ZBTB1: variants seen among roughly 807,000 people sequenced by gnomAD.
ZBTB1 encodes zinc finger and BTB domain-containing protein 1.
ZBTB1 carries 13 observed loss-of-function variants against 51.6 expected under a neutral mutation model. The ratio of observed to expected loss-of-function variants is 0.25; its 90% CI spans 0.16 to 0.40. The LOEUF (loss-of-function observed/expected upper bound fraction) is 0.40, where lower values mean the gene tolerates loss of function less well. ZBTB1 is among the 10% of genes least tolerant of loss of function. The pLI, the probability that ZBTB1 is intolerant of heterozygous loss-of-function variation, is 1.00. For synonymous variants in ZBTB1, 240 were observed against 282.2 expected (o/e 0.85, Z 1.50); for missense variants, 567 against 856.5 (o/e 0.66, Z 4.22).
In ZBTB1 at chr14:64,524,738, A is replaced by G. The variant is rs1025962433; in HGVS notation, c.*1092A>G. On this transcript the variant is annotated 3_prime_UTR_variant, in exon 2 of 2. Transcript: ENST00000683701. ...GAGGAAATGTGGCAAATTGCAGTTT[A>G]TCGCCATATTTTATTATCATTTTTT... 13 of 983,460 alleles carry G rather than the reference A, an allele frequency of 1.3e-5. No homozygotes were observed. The African/African-American group carries it at 2.1e-4, about 16-fold the overall frequency. 60.9% of individuals were successfully genotyped at this position (983,460 alleles called of 1,614,324 possible).
At chr14:64,511,894 A>G (rs2079728221) in intron 1 of ZBTB1, among the ~76,000 whole-genome samples, 1 of 152,248 alleles carries the variant, frequency 6.6e-6, no homozygotes, top group Non-Finnish European at 1.5e-5. Flanking sequence ...GTGATGCTAT[A>G]TGTGTAGGCT....
Position 64,521,760 on chromosome 14 carries a change from A to G in ZBTB1, c.256A>G (p.Lys86Glu), listed in dbSNP as rs1566634899. ...DLILQFMYLG[K>E]IMTAPSSFEQ... ...CATTTTGCAGTTTATGTATTTAGGA[A>G]AAATTATGACAGCTCCCTCCAGTTT... is the stretch of plus-strand genomic sequence containing the variant. The change falls in exon 2 of 2, where the codon AAA (lysine) becomes GAA (glutamate). Residue 86 changes from lysine (K) to glutamate (E), a missense_variant. By Grantham distance (56) the Lys-to-Glu change is moderately conservative (BLOSUM62 1). Transcript: ENST00000683701. The G allele has an allele frequency of 1.9e-6, 3 of 1,612,874 alleles. 1 individual carries two copies. Among genetic ancestry groups the G allele is most frequent in the Non-Finnish European group, 2.5e-6 (3 of 1,180,038 alleles).
At chr14:64,513,223 T>C (rs2079744612) in intron 1 of ZBTB1, among the ~76,000 whole-genome samples, 1 of 151,288 alleles carries the variant, frequency 6.6e-6, no homozygotes, top group Middle Eastern at 3.2e-3. Flanking sequence ...CTCACACATA[T>C]ATATTGCATA....
intron 1 of ZBTB1, among the ~76,000 whole-genome samples, chr14:64,505,641 C>T (rs1277137019): frequency 6.6e-6 from 1 of 152,178 alleles, no homozygotes; most frequent in Non-Finnish European, 1.5e-5. Context: ...GGTCTGAGCT[C>T]AGCCACCCCA....
downstream of ZBTB1, among the ~76,000 whole-genome samples, chr14:64,529,308 C>T (rs931422955): frequency 1.3e-5 from 2 of 152,044 alleles, no homozygotes; most frequent in Non-Finnish European, 2.9e-5. Flanking sequence ...TCCCCTATTC[C>T]TGTCCTTTAT....
intron 2 of ZBTB1, among the ~76,000 whole-genome samples, chr14:64,530,569 T>G (rs2079935371): frequency 6.6e-6 from 1 of 151,762 alleles, no homozygotes; most frequent in East Asian, 1.9e-4. Context: ...ATCGTGCCAC[T>G]GTACTCCAGC....
chr14:64,530,543 G>T (rs926435097), intron 2 of ZBTB1, among the ~76,000 whole-genome samples: 2 of 151,662 alleles, frequency 1.3e-5, no homozygotes, highest in African/African-American at 4.9e-5. Flanking sequence ...GGAGATGGAG[G>T]TTGCACTGAG....
In ZBTB1 at chr14:64,522,917, C is replaced by T. The variant is rs767300797; in HGVS notation, c.1413C>T (p.Gly471=). The T allele has an allele frequency of 7.7e-5, 124 of 1,613,958 alleles. No homozygotes were observed. Among genetic ancestry groups the T allele is most frequent in the Non-Finnish European group, 9.7e-5 (114 of 1,180,026 alleles). The change falls in exon 2 of 2, where the codon GGC becomes GGT. Residue 471 remains glycine, a synonymous_variant. Transcript: ENST00000683701. The part of the protein sequence containing the change: ...RQLQEHAQRC[G]EPQDLTMNGL... ...TTCAGGAACATGCTCAACGATGTGG[C>T]GAGCCCCAAGATCTGACCATGAATG...
chr14:64,508,741 T>G (rs2079692322), intron 1 of ZBTB1, among the ~76,000 whole-genome samples: 1 of 152,232 alleles, frequency 6.6e-6, no homozygotes, highest in Admixed American at 6.5e-5. Context: ...ATTTTAATTT[T>G]AATTTTAATT....
chr14:64,523,405 A>G lies in ZBTB1; in HGVS notation c.1901A>G (p.Tyr634Cys). ...HNDMHKGMAR[Y>C]VCSICDQGNF... ...GATATGCACAAAGGCATGGCCAGGT[A>G]TGTCTGTTCCATTTGTGATCAAGGA... The change falls in exon 2 of 2, where the codon TAT (tyrosine) becomes TGT (cysteine). Residue 634 changes from tyrosine (Y) to cysteine (C), a missense_variant. By Grantham distance (194) the Tyr-to-Cys change is radical. Coordinates refer to ENST00000683701, the MANE Select transcript of ZBTB1 (RefSeq NM_001123329.2). This position sits in a 1 kb window ranked among gnomAD's most constrained non-coding sequence, Gnocchi z 4.5. 1 of 1,614,220 alleles carries G rather than the reference A, an allele frequency of 6.2e-7. No individual in the cohort carries two copies. The highest frequency in any genetic ancestry group is 8.5e-7 in the Non-Finnish European group (1 of 1,180,024).
intron 1 of ZBTB1, 165 bp downstream of exon 1, chr14:64,505,111 G>C (rs1050877631): frequency 2.9e-6 from 1 of 348,810 alleles, no homozygotes; most frequent in African/African-American, 2.1e-5. Flanking sequence ...CGGCTGCCAG[G>C]CCGCCTGCTT....
chr14:64,522,490 T>C lies in ZBTB1; in HGVS notation c.986T>C (p.Met329Thr), dbSNP rs2079870072. Residue 329 changes from methionine to threonine, a missense_variant, in exon 2 of 2, where the codon ATG becomes ACG. By Grantham distance (81) the Met-to-Thr change is moderately conservative. This residue lies in a region of ZBTB1 where 329 missense variants were observed against 406.3 expected (regional missense o/e 0.81). Coordinates refer to ENST00000683701, the MANE Select transcript of ZBTB1 (RefSeq NM_001123329.2). ...GAGAGGAAAAGGATTATTATTAAGA[T>C]GGAGCCAGAAGATATTCCTACAGAT... Reference protein sequence around the residue: ...AAERKRIIIKMEPEDIPTDEL... With the variant: ...AAERKRIIIKTEPEDIPTDEL... 6.2e-7 allele frequency: 1 copy of C among 1,614,024 alleles called. No individual in the cohort carries two copies. Among genetic ancestry groups the C allele is most frequent in the Non-Finnish European group, 8.5e-7 (1 of 1,180,042 alleles).
downstream of ZBTB1, among the ~76,000 whole-genome samples, chr14:64,528,122 G>A (rs183601175): frequency 6.6e-6 from 1 of 152,124 alleles, no homozygotes; most frequent in African/African-American, 2.4e-5. Flanking sequence ...AAGGAACTTT[G>A]TATTTAATAA....
downstream of ZBTB1, among the ~76,000 whole-genome samples, chr14:64,527,633 G>A (rs1001433521): frequency 2.0e-4 from 30 of 151,652 alleles, no homozygotes; most frequent in South Asian, 8.4e-4. Flanking sequence ...TTAGCCAGGC[G>A]TGGTGGCGCG....
At chr14:64,524,973 T>C, downstream of ZBTB1, 1 of 964,274 alleles carries the variant, frequency 1.0e-6, no homozygotes, top group Non-Finnish European at 1.2e-6. Flanking sequence ...GTGAATTACT[T>C]GCAATGTAGT....
At chr14:64,513,779 G>A (rs961250309) in intron 1 of ZBTB1, among the ~76,000 whole-genome samples, 1 of 152,130 alleles carries the variant, frequency 6.6e-6, no homozygotes, top group Non-Finnish European at 1.5e-5. Context: ...TCCTGCCTCA[G>A]CCCCCCAAGT....
intron 1 of ZBTB1, among the ~76,000 whole-genome samples, chr14:64,517,653 G>A (rs1437934264): frequency 2.7e-5 from 4 of 150,000 alleles, no homozygotes; most frequent in Non-Finnish European, 3.0e-5. Context: ...AGGTTGTGGC[G>A]TGGATTTGTT....
intron 1 of ZBTB1, among the ~76,000 whole-genome samples, chr14:64,511,052 G>T (rs1309622107): frequency 1.3e-5 from 2 of 152,182 alleles, no homozygotes; most frequent in Non-Finnish European, 2.9e-5. Context: ...TAGGTGATTG[G>T]TACATAGTGG....
Position 64,504,911 on chromosome 14 carries a change from C to G in ZBTB1, c.-54C>G. 1 of 395,938 alleles carries G rather than the reference C, an allele frequency of 2.5e-6. No homozygotes were observed. 24.5% of individuals were successfully genotyped at this position (395,938 alleles called of 1,614,324 possible). A position where few individuals can be genotyped will look rare whatever the true frequency, so the allele number is the denominator to read the frequency against. On this transcript the variant is annotated 5_prime_UTR_variant, in exon 1 of 2. Coordinates refer to ENST00000683701, the MANE Select transcript of ZBTB1 (RefSeq NM_001123329.2). ...CCGCGGCTGATTTGCCTTAAACTCC[C>G]TAAAATCTCCGCAGCTCTGGTTCCT...
Sources: gnomAD v4.1 joint callset for allele counts (sites outside exome capture counted in the v4.1 genomes callset) on GRCh38, gnomAD v4.1.1 for gene constraint, gnomAD v4.1.1 regional missense constraint, Gnocchi (gnomAD v3.1) non-coding constraint, MANE v1.5 for transcripts, NCBI Gene and HGNC (gene_info 2026-07-23, HGNC 2026-07-21) for gene names.